FMN1: variants seen among roughly 807,000 people sequenced by gnomAD.
FMN1 encodes formin-1.
FMN1 carries 110 observed loss-of-function variants against 132.4 expected under a neutral mutation model. The observed-to-expected ratio is 0.83, with a 90% CI of 0.71 to 0.97. The LOEUF (loss-of-function observed/expected upper bound fraction) is 0.97. Among genes scored for constraint, FMN1 ranks in the 50% least tolerant of loss-of-function variants. The pLI, the probability that FMN1 is intolerant of heterozygous loss-of-function variation, is 0.00. For synonymous variants in FMN1, 722 were observed against 651.7 expected (o/e 1.11, Z -1.64); for missense variants, 1,792 against 1,705.3 (o/e 1.05, Z -0.90).
intron 2 of FMN1, among the ~76,000 whole-genome samples, chr15:33,184,333 T>G (rs911511838): frequency 6.6e-6 from 1 of 152,166 alleles, no homozygotes; most frequent in Non-Finnish European, 1.5e-5. Flanking sequence ...TATTTCCTAC[T>G]CTTTCTAAAG....
intron 9 of FMN1, among the ~76,000 whole-genome samples, chr15:32,935,078 T>C (rs376828519): frequency 1.3e-5 from 2 of 151,428 alleles, no homozygotes; most frequent in African/African-American, 2.4e-5. Flanking sequence ...CGCACCACCA[T>C]GCCTGGCTAA....
Position 32,968,897 on chromosome 15 carries a change from G to A in FMN1, c.2804C>T (p.Ala935Val), listed in dbSNP as rs2031500438. 3 of 840,702 alleles carry A rather than the reference G, an allele frequency of 3.6e-6. No homozygotes were observed. Among genetic ancestry groups the A allele is most frequent in the East Asian group, 5.1e-5 (2 of 39,162 alleles). 52.1% of individuals were successfully genotyped at this position (840,702 alleles called of 1,614,324 possible). The change falls in exon 8 of 21, where the codon GCC (alanine) becomes GTC (valine). Residue 935 changes from alanine to valine, a missense_variant. Ala to Val is a moderately conservative substitution (Grantham distance 64, BLOSUM62 0). This residue lies in a region of FMN1 where 1,150 missense variants were observed against 1,043.1 expected (regional missense o/e 1.10). Coordinates refer to ENST00000616417, the MANE Select transcript of FMN1 (RefSeq NM_001277313.2). ...PPPPPLPNSP[A>V]PPNPGGPPPA... Reference sequence around the variant, plus strand: ...AGGAGGCCCTCCAGGGTTGGGTGGGGCAGGGGAGTTAGGAAGTGGGGGTGG... The same window carrying A: ...AGGAGGCCCTCCAGGGTTGGGTGGGACAGGGGAGTTAGGAAGTGGGGGTGG...
At chr15:32,952,294 A>C (rs75952503) in intron 9 of FMN1, among the ~76,000 whole-genome samples, 16,279 of 152,246 alleles carry the variant, frequency 0.11, 1,563 homozygotes, top group African/African-American at 0.26. Flanking sequence ...ATTCTTCTCC[A>C]AGCAACCATC....
chr15:33,128,710 A>C (rs1395846546), intron 4 of FMN1, among the ~76,000 whole-genome samples: 4 of 152,162 alleles, frequency 2.6e-5, no homozygotes, highest in Non-Finnish European at 4.4e-5. Flanking sequence ...GCGGACCCTC[A>C]CGGTAAGTGT....
intron 10 of FMN1, among the ~76,000 whole-genome samples, chr15:32,924,856 G>C (rs879721096): frequency 7.9e-5 from 12 of 152,190 alleles, no homozygotes; most frequent in Non-Finnish European, 1.2e-4. Context: ...AGAGGTTGCG[G>C]TGAGCCGAGA....
intron 16 of FMN1, among the ~76,000 whole-genome samples, chr15:32,882,347 C>A (rs8030367): frequency 6.6e-6 from 1 of 151,986 alleles, no homozygotes; most frequent in African/African-American, 2.4e-5. Context: ...TGTAACAACA[C>A]AGGTAATAAC....
chr15:33,109,123 G>A (rs1162044790), intron 4 of FMN1, among the ~76,000 whole-genome samples: 1 of 152,100 alleles, frequency 6.6e-6, no homozygotes, highest in Non-Finnish European at 1.5e-5. Flanking sequence ...TTGGTCTAGA[G>A]TGTGCTAGAC....
rs768051512 is a variant in FMN1, at chr15:32,899,997, G to C, written c.3636C>G (p.Leu1212=). ...TAAATACCCGACTTTTGACATCCTT[G>C]AGTTTGGGCAGAATTTCTAAGCTAT... ...DGYSLEILPK[L]KDVKSRDNGI... is the part of the protein sequence containing the mutation. The change falls in exon 14 of 21, where the codon CTC becomes CTG. Residue 1212 remains leucine, a synonymous_variant. Coordinates refer to ENST00000616417, the MANE Select transcript of FMN1 (RefSeq NM_001277313.2). 13 of 1,613,628 alleles carry C rather than the reference G, an allele frequency of 8.1e-6. No homozygotes were observed. Among genetic ancestry groups the C allele is most frequent in the South Asian group, 2.2e-5 (2 of 90,968 alleles).
rs1452202113 is a variant in FMN1 at position 32,767,696 on chromosome 15, G to A, written c.*6614C>T. ...TTGAAGATAAGACATCTAGCTGACA[G>A]TAGGGTCATATTACTTATGCCTTGG... On this transcript the variant is annotated 3_prime_UTR_variant, in exon 21 of 21. Transcript: ENST00000616417. 6.6e-6 allele frequency: 1 copy of A among 152,214 alleles called. No homozygotes were observed. Among genetic ancestry groups the A allele is most frequent in the Non-Finnish European group, 1.5e-5 (1 of 68,036 alleles). 9.4% of individuals were successfully genotyped at this position (152,214 alleles called of 1,614,324 possible). A position where few individuals can be genotyped will look rare whatever the true frequency, so the allele number is the denominator to read the frequency against.
chr15:33,138,032 C>T (rs551948425), intron 4 of FMN1, among the ~76,000 whole-genome samples: 3 of 150,800 alleles, frequency 2.0e-5, no homozygotes, highest in African/African-American at 7.3e-5. Context: ...GGCTTCAATA[C>T]AATATTTGTC....
At chr15:32,823,332 CT>C (rs1031159459) in intron 17 of FMN1, among the ~76,000 whole-genome samples, 3 of 151,540 alleles carry the variant, frequency 2.0e-5, no homozygotes, top group African/African-American at 7.3e-5. Flanking sequence ...CAGTTAATTT[CT>C]TTTTGTATTT....
intron 9 of FMN1, among the ~76,000 whole-genome samples, chr15:32,935,458 AATCGGG>A (rs1460463433): frequency 6.6e-6 from 1 of 152,136 alleles, no homozygotes; most frequent in East Asian, 1.9e-4. Flanking sequence ...GAGTTCTTGT[AATCGGG>A]ATCCATCGGG....
At chr15:33,014,106 C>A (rs180908574) in intron 6 of FMN1, among the ~76,000 whole-genome samples, 2 of 152,288 alleles carry the variant, frequency 1.3e-5, no homozygotes, top group Admixed American at 1.3e-4. Context: ...GACAGAATCC[C>A]TGGGCAGCAT....
intron 6 of FMN1, among the ~76,000 whole-genome samples, chr15:33,050,639 C>G (rs1191411478): frequency 6.6e-6 from 1 of 152,178 alleles, no homozygotes; most frequent in African/African-American, 2.4e-5. Flanking sequence ...GGCATTCTTT[C>G]TTTGGTTTAA....
chr15:33,181,671 A>G (rs1965705362), intron 2 of FMN1, among the ~76,000 whole-genome samples: 1 of 151,684 alleles, frequency 6.6e-6, no homozygotes, highest in Admixed American at 6.6e-5. Context: ...CGGAGAGACA[A>G]GATCTGATTA....
chr15:33,054,640 T>C (rs1378271), intron 6 of FMN1, among the ~76,000 whole-genome samples: 1,956 of 152,190 alleles, frequency 0.013, 37 homozygotes, highest in African/African-American at 0.045. Context: ...ATAGATTAGG[T>C]AGAGAGAAAG....
chr15:32,830,576 T>C (rs1221880205), intron 17 of FMN1, among the ~76,000 whole-genome samples: 5 of 152,176 alleles, frequency 3.3e-5, no homozygotes, highest in Admixed American at 2.0e-4. Context: ...TACCACTGCA[T>C]GGTAAGTAAA....
intron 12 of FMN1, among the ~76,000 whole-genome samples, chr15:32,905,903 C>A (rs2060413052): frequency 6.6e-6 from 1 of 152,130 alleles, no homozygotes; most frequent in Non-Finnish European, 1.5e-5. Flanking sequence ...CCCCATCTAT[C>A]CGTGCCTCAC....
chr15:32,981,546 T>TAATAATAATA (rs1566788209), intron 7 of FMN1, among the ~76,000 whole-genome samples: 8 of 125,768 alleles, frequency 6.4e-5, no homozygotes, highest in African/African-American at 2.5e-4. Flanking sequence ...TAATAATAAT[T>TAATAATAATA]ATTATTATTA....
Sources: allele counts gnomAD v4.1 joint callset (sites outside exome capture counted in the v4.1 genomes callset), GRCh38; gene constraint gnomAD v4.1.1; regional missense constraint gnomAD v4.1.1; transcripts MANE v1.5; gene names NCBI Gene and HGNC (gene_info 2026-07-23, HGNC 2026-07-21).